The following SMARCA2 variants were observed in gnomAD, a reference collection of about 807,000 sequenced individuals.
The protein encoded by SMARCA2 is SWI/SNF related BAF chromatin remodeling complex subunit ATPase 2.
A neutral mutation model predicts 199.8 loss-of-function variants in SMARCA2; 61 were observed. The observed-to-expected ratio is 0.31, with a 90% CI of 0.25 to 0.38. SMARCA2 has a LOEUF of 0.38. Among genes scored for constraint, SMARCA2 ranks in the 10% least tolerant of loss-of-function variants. The pLI, the probability that SMARCA2 is intolerant of heterozygous loss-of-function variation, is 1.00. For missense variants in SMARCA2, 1,344 were observed against 2,012.2 expected, an observed-to-expected ratio of 0.67 and a Z score of 6.35; for synonymous variants, 935 against 732.0, an observed-to-expected ratio of 1.28 and a Z score of -4.48.
chr9:2,175,761 A>G (rs1052548313), intron 29 of SMARCA2, among the ~76,000 whole-genome samples: 1 of 152,118 alleles, frequency 6.6e-6, no homozygotes, highest in African/African-American at 2.4e-5. Context: ...ATTATTTTTC[A>G]TTATGCTTTG....
chr9:2,122,539 T>C (rs1000091565), intron 26 of SMARCA2, among the ~76,000 whole-genome samples: 4 of 152,170 alleles, frequency 2.6e-5, no homozygotes, highest in African/African-American at 9.7e-5. Flanking sequence ...TATCAACCAA[T>C]GGGACTTCAC....
chr9:2,096,871 G>A, intron 20 of SMARCA2, 107 bp downstream of exon 20: 1 of 742,916 alleles, frequency 1.3e-6, no homozygotes, highest in Non-Finnish European at 2.4e-6. Context: ...ATTTGTTAAA[G>A]TAAATCACTG....
At position 2,076,284 on chromosome 9, in the gene SMARCA2, C is replaced by T. The variant is rs1821319692; in HGVS notation, c.1991C>T (p.Pro664Leu). The change falls in exon 13 of 34, where the codon CCA becomes CTA. Residue 664 changes from proline to leucine, a missense_variant. By Grantham distance (98) the Pro-to-Leu change is moderately conservative. Transcript: ENST00000349721. Reference sequence around the variant, plus strand: ...ACCGAAGAGAAAATACTCCTGGATCCAAATAGCGAAGAAGTTTCTGAGAAG... The same window carrying T: ...ACCGAAGAGAAAATACTCCTGGATCTAAATAGCGAAGAAGTTTCTGAGAAG... ...QETEEKILLDPNSEEVSEKDA... is the reference protein window; with the variant it reads ...QETEEKILLDLNSEEVSEKDA... 1 of 1,612,782 alleles carries T rather than the reference C, an allele frequency of 6.2e-7. No homozygotes were observed. The highest frequency in any genetic ancestry group is 8.5e-7 in the Non-Finnish European group (1 of 1,178,924).
intron 9 of SMARCA2, among the ~76,000 whole-genome samples, chr9:2,065,451 C>G (rs928409594): frequency 6.6e-6 from 1 of 152,196 alleles, no homozygotes; most frequent in Non-Finnish European, 1.5e-5. Flanking sequence ...CTGTCTCTCT[C>G]TCTCTCTCTT....
At position 2,170,894 on chromosome 9, in the gene SMARCA2, TGAA is replaced by T. The variant is rs1428304073; in HGVS notation, c.4253+427_4253+429del. Among the ~76,000 whole-genome samples the T allele has an allele frequency of 3.3e-5, 5 of 152,194 alleles. No homozygotes were observed. Among genetic ancestry groups the T allele is most frequent in the Admixed American group, 2.6e-4 (4 of 15,288 alleles). On this transcript the variant is annotated intron_variant, in intron 29 of 33. Transcript: ENST00000349721. The surrounding 1 kb of genome is among the most constrained non-coding windows in gnomAD (Gnocchi z 4.7). ...TAGTGACTTGATCTCCTGCGAGACATGAAGAAGCGTGCATGTTCACGCTGTGTC... is the reference window on the plus strand; with the variant it reads ...TAGTGACTTGATCTCCTGCGAGACATGAAGCGTGCATGTTCACGCTGTGTC...
At chr9:2,159,622 G>GAAAAAAATATGA (rs1825560849) in intron 27 of SMARCA2, 1 of 577,222 alleles carries the variant, frequency 1.7e-6, no homozygotes, top group African/African-American at 1.9e-5. Flanking sequence ...ATAATAAGGG[G>GAAAAAAATATGA]AAAAAAATAT....
intron 29 of SMARCA2, among the ~76,000 whole-genome samples, chr9:2,180,317 A>C (rs144994554): frequency 6.6e-6 from 1 of 152,346 alleles, no homozygotes; most frequent in Non-Finnish European, 1.5e-5. Context: ...CGGTTAATTT[A>C]TGCAGGCCTC....
Position 2,115,878 on chromosome 9 carries a change from A to C in SMARCA2, c.3513A>C (p.Val1171=), listed in dbSNP as rs754177529. The C allele has an allele frequency of 6.2e-7, 1 of 1,614,068 alleles. No homozygotes were observed. Among genetic ancestry groups the C allele is most frequent in the Admixed American group, 1.7e-5 (1 of 60,016 alleles). Reference sequence around the variant, plus strand: ...TCGGGCAGCAGAACGAGGTCCGGGTACTGAGGCTCTGTACCGTGAACAGCG... The same window carrying C: ...TCGGGCAGCAGAACGAGGTCCGGGTCCTGAGGCTCTGTACCGTGAACAGCG... ...HRIGQQNEVR[V]LRLCTVNSVE... is the part of the protein sequence containing the mutation. The change falls in exon 25 of 34, where the codon GTA becomes GTC. Residue 1171 remains valine, a synonymous_variant. Coordinates refer to ENST00000349721, the MANE Select transcript of SMARCA2 (RefSeq NM_003070.5). This position sits in a 1 kb window ranked among gnomAD's most constrained non-coding sequence, Gnocchi z 6.0.
chr9:2,152,742 C>T (rs1161053362), intron 27 of SMARCA2, among the ~76,000 whole-genome samples: 2 of 151,568 alleles, frequency 1.3e-5, no homozygotes, highest in East Asian at 3.9e-4. Flanking sequence ...GTCCCAGGTG[C>T]TTGAGAGTCT....
At chr9:2,094,158 C>T (rs1219864917) in intron 19 of SMARCA2, among the ~76,000 whole-genome samples, 1 of 152,124 alleles carries the variant, frequency 6.6e-6, no homozygotes, top group Non-Finnish European at 1.5e-5. Flanking sequence ...AACCAAGTGG[C>T]CTGGAGTTGT....
At chr9:2,133,887 A>G (rs765249943) in intron 27 of SMARCA2, among the ~76,000 whole-genome samples, 2 of 152,212 alleles carry the variant, frequency 1.3e-5, no homozygotes, top group Non-Finnish European at 2.9e-5. Context: ...ATGCCTTGAA[A>G]TCTGATGAAC....
intron 2 of SMARCA2, among the ~76,000 whole-genome samples, chr9:2,030,706 C>G (rs1243153116): frequency 1.3e-5 from 2 of 152,062 alleles, no homozygotes; most frequent in African/African-American, 2.4e-5. Context: ...AATCAAATAT[C>G]TAGGCACCTG....
intron 25 of SMARCA2, among the ~76,000 whole-genome samples, chr9:2,117,052 A>C (rs1823243950): frequency 1.3e-5 from 2 of 152,214 alleles, no homozygotes; most frequent in African/African-American, 4.8e-5. Context: ...CATCCCGACA[A>C]ACCCATCATA....
chr9:2,183,689 G>C (rs2129908140), intron 31 of SMARCA2, among the ~76,000 whole-genome samples: 1 of 152,276 alleles, frequency 6.6e-6, no homozygotes, highest in East Asian at 1.9e-4. Context: ...ACATTTCCAA[G>C]TTAATAGTAG....
At chr9:2,098,775 A>G (rs890035304) in intron 21 of SMARCA2, among the ~76,000 whole-genome samples, 16 of 152,070 alleles carry the variant, frequency 1.1e-4, no homozygotes, top group African/African-American at 3.9e-4. Context: ...GTCTAAAACT[A>G]CAAAATTACA....
intron 8 of SMARCA2, 134 bp downstream of exon 8, chr9:2,058,598 CT>C: frequency 1.3e-6 from 1 of 742,636 alleles, no homozygotes; most frequent in Non-Finnish European, 2.2e-6. Flanking sequence ...TTCTTTGAAC[CT>C]TAGGGAGATG....
At chr9:2,087,162 C>G in intron 18 of SMARCA2, 91 bp downstream of exon 18, 1 of 1,483,674 alleles carries the variant, frequency 6.7e-7, no homozygotes, top group Non-Finnish European at 9.2e-7. Flanking sequence ...ACAGAACACC[C>G]GCAGGGTGGT....
At chr9:2,111,487 G>T (rs1309402544) in intron 24 of SMARCA2, among the ~76,000 whole-genome samples, 1 of 116,918 alleles carries the variant, frequency 8.6e-6, no homozygotes. Flanking sequence ...GCAAGACCGT[G>T]TCTCAAAAAA....
At chr9:2,159,704 C>A in intron 27 of SMARCA2, 1 of 1,402,298 alleles carries the variant, frequency 7.1e-7, no homozygotes, top group Non-Finnish European at 9.6e-7. Context: ...TAGCATGAAA[C>A]AGCAGATTTG....
Sources: gnomAD v4.1 joint callset for allele counts (sites outside exome capture counted in the v4.1 genomes callset) on GRCh38, gnomAD v4.1.1 for gene constraint, Gnocchi (gnomAD v3.1) non-coding constraint, MANE v1.5 for transcripts, NCBI Gene and HGNC (gene_info 2026-07-23, HGNC 2026-07-21) for gene names.